The following CAST variants were observed in gnomAD, a reference collection of about 807,000 sequenced individuals.
The protein encoded by CAST is calpastatin.
A neutral mutation model predicts 119.6 loss-of-function variants in CAST; 76 were observed. The observed-to-expected ratio is 0.64, with a 90% CI of 0.53 to 0.77. The LOEUF is 0.77. Among genes scored for constraint, CAST ranks in the 30% least tolerant of loss-of-function variants. The pLI, the probability that CAST is intolerant of heterozygous loss-of-function variation, is 0.00. For synonymous variants in CAST, 319 were observed against 331.6 expected (o/e 0.96, Z 0.41); for missense variants, 953 against 946.5 (o/e 1.01, Z -0.09).
At chr5:95,994,326 A>G in the CAST span, among the ~76,000 whole-genome samples, 1 of 152,200 alleles carries the variant, frequency 6.6e-6, no homozygotes, top group African/African-American at 2.4e-5. Flanking sequence ...ATGGATTTCT[A>G]TTTTGCAATA....
At chr5:96,609,403 T>C (rs941231408) in intron 1 of CAST, among the ~76,000 whole-genome samples, 1 of 150,114 alleles carries the variant, frequency 6.7e-6, no homozygotes, top group Non-Finnish European at 1.5e-5. Flanking sequence ...AGATAAACCA[T>C]TTAAAGCGGT....
At chr5:96,561,013 T>C (rs1746346401) in intron 1 of CAST, among the ~76,000 whole-genome samples, 2 of 152,186 alleles carry the variant, frequency 1.3e-5, no homozygotes. Context: ...CATGGAATAC[T>C]ATGCAGCCAT....
Position 96,740,788 on chromosome 5 carries a change from G to C in CAST, c.918+5G>C, listed in dbSNP as rs368305123. The C allele has an allele frequency of 3.2e-6, 5 of 1,561,556 alleles. No individual in the cohort carries two copies. Among genetic ancestry groups the C allele is most frequent in the Non-Finnish European group, 4.4e-6 (5 of 1,132,010 alleles). ...GGGCCTCCTGCAGACTCTTCGGTGA[G>C]TTTACATACATGTCTTCTGATCTAA... is the stretch of plus-strand genomic sequence containing the variant. On this transcript the variant is annotated splice_donor_5th_base_variant and intron_variant, in intron 13 of 31. Coordinates refer to ENST00000675179, the MANE Select transcript of CAST (RefSeq NM_001750.7).
At chr5:96,532,551 C>T (rs752968838) in intron 1 of CAST, among the ~76,000 whole-genome samples, 4 of 152,038 alleles carry the variant, frequency 2.6e-5, no homozygotes, top group Non-Finnish European at 5.9e-5. Flanking sequence ...CCTGTCCATA[C>T]AAAAAATTTA....
intron 4 of CAST, among the ~76,000 whole-genome samples, chr5:96,725,427 C>G (rs950642986): frequency 1.3e-5 from 2 of 152,190 alleles, no homozygotes; most frequent in Non-Finnish European, 2.9e-5. Flanking sequence ...GACTAGAACA[C>G]ACAACCTCAG....
intron 1 of CAST, among the ~76,000 whole-genome samples, chr5:96,617,791 A>C (rs1290552599): frequency 3.5e-5 from 1 of 28,426 alleles, no homozygotes. Flanking sequence ...AATTCCATCT[A>C]AAAAAAAAAA....
the CAST span, chr5:96,416,183 G>A: frequency 8.7e-7 from 1 of 1,145,784 alleles, no homozygotes; most frequent in East Asian, 2.3e-5. Context: ...TTTTGCATAT[G>A]AATGAATTAA....
chr5:96,464,378 A>G, the CAST span, among the ~76,000 whole-genome samples: 3 of 152,044 alleles, frequency 2.0e-5, no homozygotes, highest in Admixed American at 2.0e-4. Context: ...GGGGCCTCAT[A>G]TAAAGGGTCA....
the CAST span, among the ~76,000 whole-genome samples, chr5:96,125,089 C>T: frequency 1.3e-5 from 2 of 152,118 alleles, no homozygotes; most frequent in African/African-American, 2.4e-5. Context: ...TTATGTATAT[C>T]GTAACTGCCC....
At chr5:96,205,197 G>A in the CAST span, among the ~76,000 whole-genome samples, 1 of 152,060 alleles carries the variant, frequency 6.6e-6, no homozygotes, top group Non-Finnish European at 1.5e-5. Flanking sequence ...CCAGTCTGTA[G>A]CTTGTCTTTT....
At chr5:96,409,805 G>C in the CAST span, among the ~76,000 whole-genome samples, 1 of 152,234 alleles carries the variant, frequency 6.6e-6, no homozygotes, top group Non-Finnish European at 1.5e-5. Context: ...TAGCTGAAGA[G>C]ATGCGCGTGA....
chr5:96,424,401 G>T, the CAST span, among the ~76,000 whole-genome samples: 6 of 152,178 alleles, frequency 3.9e-5, no homozygotes, highest in African/African-American at 1.2e-4. Flanking sequence ...AACAATTTTA[G>T]ACTGTAGTTG....
chr5:96,054,238 T>A, the CAST span, among the ~76,000 whole-genome samples: 3 of 152,208 alleles, frequency 2.0e-5, no homozygotes, highest in South Asian at 2.1e-4. Flanking sequence ...CTTTTTATTT[T>A]AAAAAAATAT....
intron 1 of CAST, among the ~76,000 whole-genome samples, chr5:96,612,656 C>T (rs1050661590): frequency 6.6e-6 from 1 of 152,152 alleles, no homozygotes; most frequent in Non-Finnish European, 1.5e-5. Flanking sequence ...TTAATCTAAT[C>T]AAATATATCA....
the CAST span, among the ~76,000 whole-genome samples, chr5:96,092,430 G>A: frequency 2.0e-5 from 3 of 152,232 alleles, no homozygotes; most frequent in East Asian, 5.8e-4. Flanking sequence ...AAATTCTCTT[G>A]GGTCTCTAAC....
chr5:96,171,157 C>T, the CAST span, among the ~76,000 whole-genome samples: 2 of 152,066 alleles, frequency 1.3e-5, no homozygotes, highest in African/African-American at 2.4e-5. Flanking sequence ...CACCTTAGCC[C>T]GTTTGCCTAT....
the CAST span, among the ~76,000 whole-genome samples, chr5:96,209,839 G>T: frequency 6.6e-6 from 1 of 151,428 alleles, no homozygotes; most frequent in African/African-American, 2.4e-5. Flanking sequence ...TATCTCACAG[G>T]CATTTTTTAC....
At chr5:96,407,379 A>G in the CAST span, among the ~76,000 whole-genome samples, 1 of 152,224 alleles carries the variant, frequency 6.6e-6, no homozygotes, top group Non-Finnish European at 1.5e-5. Flanking sequence ...AAATACAAGC[A>G]TATTAAAATG....
chr5:96,718,517 T>G (rs983342039), intron 3 of CAST, among the ~76,000 whole-genome samples: 2 of 151,578 alleles, frequency 1.3e-5, no homozygotes, highest in African/African-American at 4.9e-5. Context: ...TTTAACAAAC[T>G]TACACATGTG....
Sources: allele counts gnomAD v4.1 joint callset (sites outside exome capture counted in the v4.1 genomes callset), GRCh38; gene constraint gnomAD v4.1.1; transcripts MANE v1.5; gene names NCBI Gene and HGNC (gene_info 2026-07-23, HGNC 2026-07-21).